EDIL3: variants seen among roughly 807,000 people sequenced by gnomAD.
The protein encoded by EDIL3 is EGF like and discoidin domains 3, also known as EGF-like repeat and discoidin I-like domain-containing protein 3.
In EDIL3, 37 loss-of-function variants were observed where a neutral mutation model predicts 67.4. That is an observed-to-expected ratio of 0.55 (90% CI 0.42 to 0.72). EDIL3 has a LOEUF of 0.72. Ranked by LOEUF, EDIL3 falls within the 30% of genes least tolerant of loss-of-function variation. EDIL3 has a pLI of 0.00. For missense variants in EDIL3, 527 were observed against 586.3 expected (o/e 0.90, Z 1.04); for synonymous variants, 195 against 196.3 (o/e 0.99, Z 0.05).
intron 9 of EDIL3, among the ~76,000 whole-genome samples, chr5:83,997,712 A>G (rs943209633): frequency 6.6e-6 from 1 of 152,172 alleles, no homozygotes; most frequent in African/African-American, 2.4e-5. Flanking sequence ...AAGATGGCCA[A>G]ATAGAAGCCT....
At chr5:84,343,379 T>C (rs956548663) in intron 1 of EDIL3, among the ~76,000 whole-genome samples, 1 of 152,204 alleles carries the variant, frequency 6.6e-6, no homozygotes, top group African/African-American at 2.4e-5. Flanking sequence ...TCTGTAACAA[T>C]GGATCAGGTC....
At position 83,940,762 on chromosome 5, in the gene EDIL3, A is replaced by T. The variant is rs1365360099; in HGVS notation, c.*2657T>A. 6.6e-6 allele frequency: 1 copy of T among 151,992 alleles called. No homozygotes were observed. 9.4% of individuals were successfully genotyped at this position (151,992 alleles called of 1,614,324 possible). ...TGTGTCTTAGTTATTTCTGCACTTAATGACACATCAGACGCATTGAGTATA... is the reference window on the plus strand; with the variant it reads ...TGTGTCTTAGTTATTTCTGCACTTATTGACACATCAGACGCATTGAGTATA... On this transcript the variant is annotated 3_prime_UTR_variant, in exon 11 of 11. Coordinates refer to ENST00000296591, the MANE Select transcript of EDIL3 (RefSeq NM_005711.5).
chr5:83,995,157 T>C lies in EDIL3; in HGVS notation c.1138-31797A>G, dbSNP rs62364182. Among the ~76,000 whole-genome samples, 383 of 149,158 alleles carry C rather than the reference T, an allele frequency of 2.6e-3. 2 individuals are homozygous for C. The highest frequency in any genetic ancestry group is 7.0e-3 in the African/African-American group (285 of 40,662). ...AGCAGTATACACACGCACACACACATACACACACACACACACACACACACA... is the reference window on the plus strand; with the variant it reads ...AGCAGTATACACACGCACACACACACACACACACACACACACACACACACA... On this transcript the variant is annotated intron_variant, in intron 9 of 10. Coordinates refer to ENST00000296591, the MANE Select transcript of EDIL3 (RefSeq NM_005711.5).
chr5:84,009,092 G>A (rs7731239), intron 9 of EDIL3, among the ~76,000 whole-genome samples: 3,186 of 152,218 alleles, frequency 0.021, 115 homozygotes, highest in African/African-American at 0.071. Context: ...GATTACAGGC[G>A]TGAGCCACCG....
At chr5:84,051,896 T>TCCAGGAGA (rs1166512534) in intron 9 of EDIL3, among the ~76,000 whole-genome samples, 1 of 152,112 alleles carries the variant, frequency 6.6e-6, no homozygotes, top group East Asian at 1.9e-4. Flanking sequence ...CAGGATATCA[T>TCCAGGAGA]CCAGGAGAAC....
chr5:84,060,569 G>T (rs1479967393), intron 8 of EDIL3, 85 bp from the exon 9 acceptor site: 1 of 1,413,312 alleles, frequency 7.1e-7, no homozygotes, highest in East Asian at 2.4e-5. Context: ...GGCAAGAGAA[G>T]ATTAAACATA....
intron 1 of EDIL3, among the ~76,000 whole-genome samples, chr5:84,356,847 A>G (rs970410708): frequency 1.6e-5 from 1 of 64,344 alleles, no homozygotes; most frequent in African/African-American, 5.8e-5. Flanking sequence ...TTGAAATACT[A>G]TTTATTTGGC....
intron 5 of EDIL3, among the ~76,000 whole-genome samples, chr5:84,117,147 C>T: frequency 6.6e-6 from 1 of 151,256 alleles, no homozygotes; most frequent in South Asian, 2.1e-4. Flanking sequence ...CCCGCCTCAG[C>T]CTCCTGAGTA....
intron 1 of EDIL3, among the ~76,000 whole-genome samples, chr5:84,368,922 T>C (rs1401537354): frequency 6.6e-6 from 1 of 151,750 alleles, no homozygotes; most frequent in Non-Finnish European, 1.5e-5. Flanking sequence ...TAAAATGAGA[T>C]ACCATTTTAC....
intron 6 of EDIL3, among the ~76,000 whole-genome samples, chr5:84,100,666 A>G (rs1017718734): frequency 2.0e-5 from 3 of 152,142 alleles, no homozygotes; most frequent in Non-Finnish European, 2.9e-5. Context: ...GCATGTGTAT[A>G]CATATGTAAT....
chr5:84,178,253 A>C (rs1055323189), intron 4 of EDIL3, among the ~76,000 whole-genome samples: 2 of 152,206 alleles, frequency 1.3e-5, no homozygotes, highest in Non-Finnish European at 2.9e-5. Context: ...ATTCTGATTC[A>C]GTTGATTTCA....
intron 1 of EDIL3, among the ~76,000 whole-genome samples, chr5:84,383,768 G>A (rs1227854024): frequency 6.6e-6 from 1 of 152,118 alleles, no homozygotes; most frequent in Non-Finnish European, 1.5e-5. Context: ...CACCTCACCC[G>A]CGGCCAAAAC....
At chr5:84,189,323 A>C (rs898843952) in intron 3 of EDIL3, among the ~76,000 whole-genome samples, 1 of 151,822 alleles carries the variant, frequency 6.6e-6, no homozygotes, top group East Asian at 1.9e-4. Context: ...TCCTGGGGTT[A>C]ATCTTCATCC....
At chr5:84,360,711 T>A (rs1044147562) in intron 1 of EDIL3, among the ~76,000 whole-genome samples, 3 of 152,118 alleles carry the variant, frequency 2.0e-5, no homozygotes, top group African/African-American at 7.2e-5. Flanking sequence ...TATCACATAT[T>A]GGCATGGCAA....
At chr5:84,245,451 T>C (rs1041065531) in intron 2 of EDIL3, among the ~76,000 whole-genome samples, 1 of 152,170 alleles carries the variant, frequency 6.6e-6, no homozygotes, top group Non-Finnish European at 1.5e-5. Context: ...TTGTCATAAC[T>C]GCTTAAAAGT....
At chr5:84,028,768 G>A (rs1032136840) in intron 9 of EDIL3, among the ~76,000 whole-genome samples, 1 of 151,852 alleles carries the variant, frequency 6.6e-6, no homozygotes, top group Admixed American at 6.6e-5. Context: ...TATATACATA[G>A]ATATACTAGT....
intron 3 of EDIL3, among the ~76,000 whole-genome samples, chr5:84,209,473 A>G (rs1014508116): frequency 6.6e-6 from 1 of 152,176 alleles, no homozygotes; most frequent in Non-Finnish European, 1.5e-5. Context: ...GAATAAATGT[A>G]TACTTAATTA....
At chr5:83,997,329 T>C (rs1357273236) in intron 9 of EDIL3, among the ~76,000 whole-genome samples, 1 of 152,096 alleles carries the variant, frequency 6.6e-6, no homozygotes, top group Non-Finnish European at 1.5e-5. Context: ...CTAAACTAGA[T>C]AGTGGCAATG....
intron 1 of EDIL3, 138 bp downstream of exon 1, chr5:84,384,170 T>A: frequency 9.3e-7 from 1 of 1,070,132 alleles, no homozygotes; most frequent in Non-Finnish European, 1.4e-6. Context: ...CACCCAGGAC[T>A]CGACGCCTCC....
Sources: gnomAD v4.1 joint callset for allele counts (sites outside exome capture counted in the v4.1 genomes callset) on GRCh38, gnomAD v4.1.1 for gene constraint, MANE v1.5 for transcripts, NCBI Gene and HGNC (gene_info 2026-07-23, HGNC 2026-07-21) for gene names.